Variants in MYO9B observed in about 807,000 individuals in gnomAD.
MYO9B encodes myosin IXB.
In MYO9B, 71 loss-of-function variants were observed where a neutral mutation model predicts 229.5. That is an observed-to-expected ratio of 0.31 (90% CI 0.26 to 0.38). The LOEUF (loss-of-function observed/expected upper bound fraction) is 0.38. Ranked by LOEUF, MYO9B falls within the 10% of genes least tolerant of loss-of-function variation. The probability of loss-of-function intolerance (pLI) is 1.00; values close to 1 mark genes in which losing one functional copy is unlikely to be tolerated. For synonymous variants in MYO9B, 1,185 were observed against 1,235.8 expected, an observed-to-expected ratio of 0.96 and a Z score of 0.86; for missense variants, 2,255 against 2,920.5, an observed-to-expected ratio of 0.77 and a Z score of 5.25.
intron 2 of MYO9B, among the ~76,000 whole-genome samples, chr19:17,134,495 G>T (rs1277096653): frequency 1.4e-5 from 2 of 140,608 alleles, no homozygotes; most frequent in East Asian, 4.7e-4. Flanking sequence ...GGTTTCAAGC[G>T]ATTTTCGTGT....
intron 25 of MYO9B, 26 bp from the exon 26 acceptor site, chr19:17,200,613 A>G: frequency 1.9e-6 from 3 of 1,592,586 alleles, no homozygotes; most frequent in Non-Finnish European, 2.6e-6. Context: ...ACCCACCCTC[A>G]CCGGCTGCTT....
Position 17,162,983 on chromosome 19 carries a change from C to G in MYO9B, c.1537-5C>G, listed in dbSNP as rs201592244. The G allele has an allele frequency of 1.2e-6, 2 of 1,608,862 alleles. No homozygotes were observed. Among genetic ancestry groups the G allele is most frequent in the Non-Finnish European group, 1.7e-6 (2 of 1,177,768 alleles). Reference sequence around the variant, plus strand: ...GGCAGTGACCATTTTCTCTGTCTCTCCCAGTGCCTGTCCATTGGGGTCCTG... The same window carrying G: ...GGCAGTGACCATTTTCTCTGTCTCTGCCAGTGCCTGTCCATTGGGGTCCTG... On this transcript the variant is annotated splice_region_variant and splice_polypyrimidine_tract_variant and intron_variant, in intron 9 of 39. Coordinates refer to ENST00000682292, the MANE Select transcript of MYO9B (RefSeq NM_004145.4).
chr19:17,079,812 T>C (rs1464209113), intron 1 of MYO9B, among the ~76,000 whole-genome samples: 2 of 152,150 alleles, frequency 1.3e-5, no homozygotes, highest in Admixed American at 6.6e-5. Context: ...CTGCCCCTGC[T>C]CGGCCGGCCA....
At chr19:17,137,416 C>T (rs75083698) in intron 2 of MYO9B, among the ~76,000 whole-genome samples, 4,636 of 152,162 alleles carry the variant, frequency 0.03, 108 homozygotes, top group Middle Eastern at 0.075. Flanking sequence ...ACAACAACAA[C>T]AACAACAAGA....
At chr19:17,169,276 G>A (rs28434655) in intron 11 of MYO9B, among the ~76,000 whole-genome samples, 42,051 of 150,254 alleles carry the variant, frequency 0.28, 6,539 homozygotes, top group African/African-American at 0.42. Flanking sequence ...GGAGGCTGAG[G>A]CAGGAAAATT....
intron 7 of MYO9B, chr19:17,157,250 A>G: frequency 1.8e-6 from 1 of 547,772 alleles, no homozygotes; most frequent in Non-Finnish European, 3.0e-6. Flanking sequence ...CTCAAGTGAA[A>G]GCCTCTTTAA....
At chr19:17,201,080 T>G (rs1325180330) in intron 26 of MYO9B, among the ~76,000 whole-genome samples, 5 of 151,668 alleles carry the variant, frequency 3.3e-5, no homozygotes, top group Non-Finnish European at 5.9e-5. Context: ...CTACAAAAGG[T>G]TTAAATATTA....
At chr19:17,197,539 ACT>A (rs2073059424) in intron 22 of MYO9B, among the ~76,000 whole-genome samples, 2 of 152,112 alleles carry the variant, frequency 1.3e-5, no homozygotes, top group South Asian at 4.2e-4. Flanking sequence ...GGGCTGGCTC[ACT>A]CTCTGGGGTG....
At chr19:17,211,309 T>G (rs144068925) in intron 38 of MYO9B, among the ~76,000 whole-genome samples, 1 of 152,046 alleles carries the variant, frequency 6.6e-6, no homozygotes, top group Non-Finnish European at 1.5e-5. Context: ...TCTTTCTCTG[T>G]CACCCAGGCT....
In MYO9B at chr19:17,167,936, C is replaced by A. The variant is rs766968595; in HGVS notation, c.1672-7C>A. 6.4e-7 allele frequency: 1 copy of A among 1,561,984 alleles called. No individual in the cohort carries two copies. Among genetic ancestry groups the A allele is most frequent in the Admixed American group, 1.9e-5 (1 of 51,974 alleles). ...AGAAACTTACCGACCCCGCGCCACC[C>A]CTGCAGGAGGAATATCAGGGCGAGG... On this transcript the variant is annotated splice_polypyrimidine_tract_variant and splice_region_variant and intron_variant, in intron 10 of 39. Transcript: ENST00000682292.
chr19:17,205,119 C>G (rs2073145379), intron 30 of MYO9B, 144 bp from the exon 31 acceptor site: 1 of 617,166 alleles, frequency 1.6e-6, no homozygotes, highest in Admixed American at 2.9e-5. Context: ...CCATTGCGCT[C>G]TAGCCTGAGA....
chr19:17,170,223 A>G (rs1316245591), intron 11 of MYO9B, among the ~76,000 whole-genome samples: 3 of 152,006 alleles, frequency 2.0e-5, no homozygotes, highest in African/African-American at 7.3e-5. Context: ...GAAGGACACC[A>G]TCCATATGGA....
At chr19:17,086,168 C>T (rs928312885) in intron 1 of MYO9B, among the ~76,000 whole-genome samples, 5 of 152,210 alleles carry the variant, frequency 3.3e-5, no homozygotes, top group Admixed American at 6.5e-5. Context: ...CCACACGGGG[C>T]TCCCCTGTCG....
chr19:17,188,324 G>T (rs1440535999), intron 19 of MYO9B, among the ~76,000 whole-genome samples: 1 of 151,758 alleles, frequency 6.6e-6, no homozygotes, highest in Non-Finnish European at 1.5e-5. Flanking sequence ...AGCTACTGAG[G>T]AGGCTGAGGC....
At chr19:17,136,925 G>C (rs575402089) in intron 2 of MYO9B, among the ~76,000 whole-genome samples, 1 of 152,002 alleles carries the variant, frequency 6.6e-6, no homozygotes, top group South Asian at 2.1e-4. Context: ...GATTCGTGTC[G>C]ACAAAAATAA....
Position 17,212,403 on chromosome 19 carries a change from A to T in MYO9B, c.*93A>T. 7.4e-7 allele frequency: 1 copy of T among 1,348,374 alleles called. No homozygotes were observed. Among genetic ancestry groups the T allele is most frequent in the Non-Finnish European group, 9.7e-7 (1 of 1,032,186 alleles). 83.5% of individuals were successfully genotyped at this position (1,348,374 alleles called of 1,614,324 possible). ...CAGAGCTAGTGTTCGGCCCTCAGAG[A>T]AGGATCCAGAATCAAAAGCTCAAGA... On this transcript the variant is annotated 3_prime_UTR_variant, in exon 40 of 40. Transcript: ENST00000682292. The surrounding 1 kb of genome is among the most constrained non-coding windows in gnomAD (Gnocchi z 5.4).
At chr19:17,153,360 C>G (rs1013676750) in intron 4 of MYO9B, among the ~76,000 whole-genome samples, 1 of 149,172 alleles carries the variant, frequency 6.7e-6, no homozygotes, top group Non-Finnish European at 1.5e-5. Flanking sequence ...CACCACCACG[C>G]CCGGCTAGAG....
chr19:17,131,799 G>A (rs1490770084), intron 2 of MYO9B, among the ~76,000 whole-genome samples: 1 of 151,960 alleles, frequency 6.6e-6, no homozygotes, highest in Non-Finnish European at 1.5e-5. Context: ...TGACTGGGGG[G>A]AAGCTGAATT....
At chr19:17,211,512 C>T (rs2073228720) in intron 38 of MYO9B, 135 bp from the exon 39 acceptor site, 3 of 840,878 alleles carry the variant, frequency 3.6e-6, no homozygotes, top group Non-Finnish European at 5.4e-6. Flanking sequence ...TGGGCTCAAG[C>T]AATCCTCCTG....
Sources: gnomAD v4.1 joint callset for allele counts (sites outside exome capture counted in the v4.1 genomes callset) on GRCh38, gnomAD v4.1.1 for gene constraint, Gnocchi (gnomAD v3.1) non-coding constraint, MANE v1.5 for transcripts, NCBI Gene and HGNC (gene_info 2026-07-23, HGNC 2026-07-21) for gene names.